WNT7B: variants seen among roughly 807,000 people sequenced by gnomAD.
The protein encoded by WNT7B is Wnt family member 7B, also known as protein Wnt-7b.
WNT7B carries 19 observed loss-of-function variants against 38.2 expected under a neutral mutation model. The ratio of observed to expected loss-of-function variants is 0.50; its 90% CI spans 0.35 to 0.73. The LOEUF (loss-of-function observed/expected upper bound fraction) is 0.73. Among genes scored for constraint, WNT7B ranks in the 30% least tolerant of loss-of-function variants. The pLI is 0.01. For synonymous variants in WNT7B, 243 were observed against 209.3 expected (o/e 1.16, Z -1.39); for missense variants, 423 against 507.9 (o/e 0.83, Z 1.61).
intron 1 of WNT7B, among the ~76,000 whole-genome samples, chr22:45,956,516 C>T (rs1389149820): frequency 6.6e-6 from 1 of 152,198 alleles, no homozygotes; most frequent in South Asian, 2.1e-4. Flanking sequence ...CCACTGCACC[C>T]ACCACCGATG....
chr22:45,950,441 C>T (rs1036344072), intron 1 of WNT7B, among the ~76,000 whole-genome samples: 2 of 152,248 alleles, frequency 1.3e-5, no homozygotes, highest in Admixed American at 1.3e-4. Context: ...GCTCTCCAGG[C>T]CACTGAGTCA....
rs1601733864 is a variant in WNT7B at position 45,955,019 on chromosome 22, A to G, written c.72-4873T>C. On this transcript the variant is annotated intron_variant, in intron 1 of 3. Transcript: ENST00000339464. ...GTGCCACATAGTAAGTGTGGGACAC[A>G]CGCTGGAACATGGCCTGGAGCAGGC... 5.2e-5 allele frequency among the ~76,000 whole-genome samples: 8 copies of G among 152,388 alleles called. 2 individuals are homozygous for G. The South Asian group carries it at 6.2e-4, about 12-fold the overall frequency.
intron 2 of WNT7B, among the ~76,000 whole-genome samples, chr22:45,940,809 C>G (rs1301429948): frequency 2.0e-5 from 3 of 152,122 alleles, no homozygotes; most frequent in Non-Finnish European, 4.4e-5. Flanking sequence ...AGGTGGGTCC[C>G]AAAGGATGGG....
At chr22:45,929,923 C>CAT (rs1569111601) in intron 3 of WNT7B, among the ~76,000 whole-genome samples, 1 of 102,564 alleles carries the variant, frequency 9.8e-6, no homozygotes, top group Non-Finnish European at 2.0e-5. Context: ...CATCTATCCT[C>CAT]CCATCCACCC....
chr22:45,952,368 G>A (rs1022613039), intron 1 of WNT7B, among the ~76,000 whole-genome samples: 8 of 145,166 alleles, frequency 5.5e-5, no homozygotes, highest in African/African-American at 1.7e-4. Context: ...CGCCCGGCCC[G>A]CCCACTAATC....
chr22:45,924,104 C>T (rs937128416), intron 3 of WNT7B, among the ~76,000 whole-genome samples: 7 of 152,210 alleles, frequency 4.6e-5, no homozygotes, highest in Non-Finnish European at 8.8e-5. Flanking sequence ...GCCCTGCCAG[C>T]CGGGCCTGAT....
chr22:45,949,318 A>G (rs1205767974), intron 2 of WNT7B, among the ~76,000 whole-genome samples: 1 of 148,450 alleles, frequency 6.7e-6, no homozygotes, highest in Non-Finnish European at 1.5e-5. Flanking sequence ...CCATCAAACC[A>G]CTCCCCACAC....
At chr22:45,954,362 C>T (rs1294964198) in intron 1 of WNT7B, among the ~76,000 whole-genome samples, 1 of 152,162 alleles carries the variant, frequency 6.6e-6, no homozygotes, top group Non-Finnish European at 1.5e-5. Flanking sequence ...TGTGAATGGA[C>T]TAGATGCCAC....
At chr22:45,957,342 C>A (rs1179341026) in intron 1 of WNT7B, among the ~76,000 whole-genome samples, 1 of 151,870 alleles carries the variant, frequency 6.6e-6, no homozygotes, top group African/African-American at 2.4e-5. Context: ...TGAAATGGGG[C>A]AATAACAAAG....
rs114602764 is a variant in WNT7B, at chr22:45,948,047, C to A, written c.298+1873G>T. Among the ~76,000 whole-genome samples the A allele has an allele frequency of 9.0e-3, 1,369 of 152,328 alleles. 23 individuals are homozygous for A. The highest frequency in any genetic ancestry group is 0.032 in the African/African-American group (1,317 of 41,572). ...CCCAGCCCTCTGTCGAGCAGCAGGA[C>A]GATTTCCACGTCTGCCCCTCTCCTG... On this transcript the variant is annotated intron_variant, in intron 2 of 3. Transcript: ENST00000339464.
chr22:45,934,531 C>G (rs959516116), intron 2 of WNT7B, among the ~76,000 whole-genome samples: 3 of 152,166 alleles, frequency 2.0e-5, no homozygotes, highest in Non-Finnish European at 4.4e-5. Flanking sequence ...CCTCAGAGGT[C>G]CTGGAACAAC....
At chr22:45,970,041 G>A (rs190194236) in intron 1 of WNT7B, among the ~76,000 whole-genome samples, 3 of 152,176 alleles carry the variant, frequency 2.0e-5, no homozygotes, top group Non-Finnish European at 4.4e-5. Flanking sequence ...CATTCAAACC[G>A]AATCGCGCAG....
chr22:45,954,220 A>G (rs4074027), intron 1 of WNT7B, among the ~76,000 whole-genome samples: 12,442 of 146,992 alleles, frequency 0.085, 1,203 homozygotes, highest in African/African-American at 0.25. Context: ...ATCCATCGAG[A>G]TAGAAAGTAG....
intron 3 of WNT7B, among the ~76,000 whole-genome samples, chr22:45,928,071 C>A (rs556947324): frequency 1.3e-5 from 2 of 152,318 alleles, no homozygotes; most frequent in African/African-American, 4.8e-5. Flanking sequence ...CCAACCAGCA[C>A]CTCGATTTTG....
At chr22:45,950,248 C>T in intron 1 of WNT7B, 102 bp from the exon 2 acceptor site, 1 of 999,888 alleles carries the variant, frequency 1.0e-6, no homozygotes, top group Non-Finnish European at 1.5e-6. Context: ...ACAGGCCCTG[C>T]ACTAGCTCCG....
At chr22:45,954,564 G>C (rs1033442405) in intron 1 of WNT7B, 3 of 985,012 alleles carry the variant, frequency 3.0e-6, no homozygotes, top group Non-Finnish European at 1.2e-6. Flanking sequence ...CGGGGTATGT[G>C]GGGCTGACAG....
chr22:45,962,184 C>A (rs889957425), intron 1 of WNT7B, among the ~76,000 whole-genome samples: 2 of 151,912 alleles, frequency 1.3e-5, no homozygotes, highest in African/African-American at 4.8e-5. Context: ...CCAGGCAGGG[C>A]TGAGGCCGCT....
Position 45,931,389 on chromosome 22 carries a change from C to A in WNT7B, c.299-20G>T. On this transcript the variant is annotated intron_variant, in intron 2 of 3. Transcript: ENST00000339464. ...GGCTCCCTGCGGGGACAGACAGGTG[C>A]AGAAGGTGAGACCCCAGGCCCTGGG... 6.4e-7 allele frequency: 1 copy of A among 1,568,178 alleles called. No individual in the cohort carries two copies. Among genetic ancestry groups the A allele is most frequent in the South Asian group, 1.1e-5 (1 of 87,262 alleles).
At chr22:45,971,834 TCTCGGCGCCGCTCGCGTGCCCGCGGGCC>T (rs1346548905) in intron 1 of WNT7B, among the ~76,000 whole-genome samples, 1 of 152,168 alleles carries the variant, frequency 6.6e-6, no homozygotes, top group Non-Finnish European at 1.5e-5. Context: ...GCGCAGGGAA[TCTCGGCGCCGCTCGCGTGCCCGCGGGCC>T]CTCGCGCTGG....
Sources: allele counts gnomAD v4.1 joint callset (sites outside exome capture counted in the v4.1 genomes callset), GRCh38; gene constraint gnomAD v4.1.1; transcripts MANE v1.5; gene names NCBI Gene and HGNC (gene_info 2026-07-23, HGNC 2026-07-21).